Variants in LPIN1 observed in about 807,000 individuals in gnomAD.
LPIN1 encodes lipin 1.
A neutral mutation model predicts 107.5 loss-of-function variants in LPIN1; 71 were observed. That is an observed-to-expected ratio of 0.66 (90% confidence interval 0.55 to 0.80). LPIN1 has a LOEUF of 0.80. Ranked by LOEUF, LPIN1 falls within the 30% of genes least tolerant of loss-of-function variation. LPIN1 has a pLI of 0.00. For missense variants in LPIN1, 1,043 were observed against 1,160.6 expected, an observed-to-expected ratio of 0.90 and a Z score of 1.47; for synonymous variants, 445 against 452.6, an observed-to-expected ratio of 0.98 and a Z score of 0.21.
At chr2:11,822,515 C>T (rs1230681151) in intron 20 of LPIN1, among the ~76,000 whole-genome samples, 1 of 151,650 alleles carries the variant, frequency 6.6e-6, no homozygotes, top group Non-Finnish European at 1.5e-5. Flanking sequence ...CAAGGAGGAT[C>T]AAGTCATGTC....
At chr2:11,801,278 C>T (rs1424609965) in intron 14 of LPIN1, among the ~76,000 whole-genome samples, 2 of 152,174 alleles carry the variant, frequency 1.3e-5, no homozygotes, top group African/African-American at 4.8e-5. Context: ...GAAGGGAAAT[C>T]AGGATGTCAA....
At chr2:11,776,280 C>A in intron 6 of LPIN1, 87 bp downstream of exon 6, 1 of 775,026 alleles carries the variant, frequency 1.3e-6, no homozygotes, top group Non-Finnish European at 2.0e-6. Context: ...TACCATTAAC[C>A]AAATTACTTA....
At chr2:11,806,331 C>G (rs1039937043) in intron 17 of LPIN1, among the ~76,000 whole-genome samples, 5 of 152,202 alleles carry the variant, frequency 3.3e-5, no homozygotes, top group Non-Finnish European at 1.5e-5. Flanking sequence ...GTGCCTCATC[C>G]TAGGGCAGGT....
At chr2:11,815,541 A>G (rs575818121) in intron 18 of LPIN1, among the ~76,000 whole-genome samples, 3 of 151,926 alleles carry the variant, frequency 2.0e-5, no homozygotes, top group East Asian at 1.9e-4. Flanking sequence ...CTCCCAGACA[A>G]TTGTCTCTGC....
At chr2:11,730,221 A>C (rs959371213) in intron 1 of LPIN1, among the ~76,000 whole-genome samples, 2 of 151,842 alleles carry the variant, frequency 1.3e-5, no homozygotes, top group Non-Finnish European at 2.9e-5. Flanking sequence ...TCTGTTACCT[A>C]CCTCCAGCTT....
intron 1 of LPIN1, among the ~76,000 whole-genome samples, chr2:11,736,263 G>A (rs1402514027): frequency 6.6e-6 from 1 of 152,224 alleles, no homozygotes; most frequent in Non-Finnish European, 1.5e-5. Context: ...CATATCATAG[G>A]CTGGGTGGCT....
chr2:11,716,117 G>A (rs949994027), intron 2 of LPIN1, among the ~76,000 whole-genome samples: 15 of 152,160 alleles, frequency 9.9e-5, no homozygotes, highest in African/African-American at 3.6e-4. Flanking sequence ...CAAGGTCTGG[G>A]CTGGAAACAC....
rs756575367 is a variant in LPIN1 at position 11,804,481 on chromosome 2, A to G, written c.2072A>G (p.Tyr691Cys). Residue 691 changes from tyrosine (Y) to cysteine (C), a missense_variant, in exon 16 of 21, where the codon TAC (tyrosine) becomes TGC (cysteine). Coordinates refer to ENST00000674199, the MANE Select transcript of LPIN1 (RefSeq NM_001349206.2). The part of the protein sequence containing the change: ...NDVVFSVTTQ[Y>C]QGTCRCEGTI... ...GTGGTTTTCAGTGTCACCACGCAGT[A>G]CCAAGGCACGTGCCGCTGTGAGGGC... The G allele has an allele frequency of 1.9e-6, 3 of 1,614,246 alleles. No homozygotes were observed. In the South Asian group the frequency reaches 3.3e-5, roughly 18 times the overall value.
In LPIN1 at chr2:11,777,651, C is replaced by T. The variant is rs558940632; in HGVS notation, c.830+1458C>T. Reference sequence around the variant, plus strand: ...ACACCACCACAGCAGCGAGTGGTTGCGACAGACGTCGTAAAACCCGTAAAG... The same window carrying T: ...ACACCACCACAGCAGCGAGTGGTTGTGACAGACGTCGTAAAACCCGTAAAG... On this transcript the variant is annotated intron_variant, in intron 6 of 20. Transcript: ENST00000674199. 1.1e-4 allele frequency: 17 copies of T among 152,266 alleles called. No individual in the cohort carries two copies. In the East Asian group the frequency reaches 1.2e-3, roughly 10 times the overall value. 9.4% of individuals were successfully genotyped at this position (152,266 alleles called of 1,614,324 possible). A position where few individuals can be genotyped will look rare whatever the true frequency, so the allele number is the denominator to read the frequency against.
At chr2:11,751,046 CA>C (rs1479340885) in intron 1 of LPIN1, among the ~76,000 whole-genome samples, 1 of 152,234 alleles carries the variant, frequency 6.6e-6, no homozygotes, top group African/African-American at 2.4e-5. Context: ...GGATCGGAGT[CA>C]AAGCCTTGGG....
chr2:11,678,552 C>T (rs1163974414), intron 1 of LPIN1, among the ~76,000 whole-genome samples: 1 of 152,110 alleles, frequency 6.6e-6, no homozygotes, highest in Non-Finnish European at 1.5e-5. Context: ...GGCAGGGAGA[C>T]CCGGGGTTTT....
intron 1 of LPIN1, among the ~76,000 whole-genome samples, chr2:11,713,602 T>A (rs951692482): frequency 3.9e-5 from 6 of 152,198 alleles, no homozygotes; most frequent in Non-Finnish European, 7.3e-5. Flanking sequence ...AGTTTTTTTT[T>A]AATTGGCATA....
intron 1 of LPIN1, among the ~76,000 whole-genome samples, chr2:11,739,796 T>A (rs73183119): frequency 0.036 from 5,492 of 152,122 alleles, 329 homozygotes; most frequent in African/African-American, 0.12. Context: ...TATAAACAGA[T>A]CCAGAAATGA....
chr2:11,725,722 G>T (rs897615604), intron 1 of LPIN1, among the ~76,000 whole-genome samples: 3 of 152,122 alleles, frequency 2.0e-5, no homozygotes, highest in Non-Finnish European at 4.4e-5. Context: ...GGAAAAGGTG[G>T]CTGTCAGAGA....
intron 1 of LPIN1, among the ~76,000 whole-genome samples, chr2:11,750,116 CGCACCTCTCCCCTT>C (rs1248076111): frequency 6.6e-6 from 1 of 152,120 alleles, no homozygotes; most frequent in Non-Finnish European, 1.5e-5. Context: ...TGGAAGCCCT[CGCACCTCTCCCCTT>C]GCCCTCTGTC....
intron 17 of LPIN1, among the ~76,000 whole-genome samples, chr2:11,809,635 C>T (rs1168104043): frequency 1.3e-5 from 2 of 152,324 alleles, no homozygotes; most frequent in Non-Finnish European, 2.9e-5. Flanking sequence ...AGGCTGGTTT[C>T]GAACTCCTGA....
chr2:11,760,103 C>T (rs565902500), intron 1 of LPIN1, among the ~76,000 whole-genome samples: 1 of 151,850 alleles, frequency 6.6e-6, no homozygotes, highest in South Asian at 2.1e-4. Flanking sequence ...CAGAGGCGCT[C>T]CCCACATCTC....
At chr2:11,777,328 G>C (rs1428232865) in intron 6 of LPIN1, 2 of 152,358 alleles carry the variant, frequency 1.3e-5, no homozygotes, top group East Asian at 3.9e-4. Flanking sequence ...GTGGTGGCCT[G>C]TTTGCTGTTG....
At chr2:11,738,159 C>T (rs1665977027) in intron 1 of LPIN1, among the ~76,000 whole-genome samples, 1 of 151,966 alleles carries the variant, frequency 6.6e-6, no homozygotes, top group South Asian at 2.1e-4. Flanking sequence ...ACCGCATGTT[C>T]TCACTCATAA....
Sources: allele counts gnomAD v4.1 joint callset (sites outside exome capture counted in the v4.1 genomes callset), GRCh38; gene constraint gnomAD v4.1.1; transcripts MANE v1.5; gene names NCBI Gene and HGNC (gene_info 2026-07-23, HGNC 2026-07-21).